DCC: variants seen among roughly 807,000 people sequenced by gnomAD.
DCC encodes DCC netrin 1 receptor, also known as netrin receptor DCC.
DCC carries 58 observed loss-of-function variants against 172.5 expected under a neutral mutation model. The observed-to-expected ratio is 0.34, with a 90% confidence interval of 0.27 to 0.42. The LOEUF is 0.42. Among genes scored for constraint, DCC ranks in the 10% least tolerant of loss-of-function variants. DCC has a pLI of 1.00. For missense variants in DCC, 1,740 were observed against 1,791.0 expected (o/e 0.97, Z 0.51); for synonymous variants, 709 against 644.5 (o/e 1.10, Z -1.52).
At chr18:52,506,468 A>G (rs2031234518) in intron 1 of DCC, among the ~76,000 whole-genome samples, 1 of 152,116 alleles carries the variant, frequency 6.6e-6, no homozygotes, top group Non-Finnish European at 1.5e-5. Flanking sequence ...ATGCATATCC[A>G]TATAAATGGT....
chr18:52,857,004 T>C (rs1228381757), intron 2 of DCC, among the ~76,000 whole-genome samples: 4 of 152,254 alleles, frequency 2.6e-5, no homozygotes, highest in African/African-American at 9.6e-5. Context: ...TTAAATTCTA[T>C]ATGTATAAGC....
At chr18:52,576,141 GA>G in intron 1 of DCC, among the ~76,000 whole-genome samples, 1 of 152,284 alleles carries the variant, frequency 6.6e-6, no homozygotes, top group Non-Finnish European at 1.5e-5. Context: ...AAATTTTGAG[GA>G]AAAGAGAAAA....
intron 1 of DCC, among the ~76,000 whole-genome samples, chr18:52,617,692 C>T (rs910061163): frequency 1.5e-4 from 23 of 151,950 alleles, no homozygotes; most frequent in African/African-American, 3.6e-4. Context: ...GCTTTCTTAC[C>T]GTTCTCTTAC....
At chr18:52,703,612 T>G (rs761709333) in intron 1 of DCC, among the ~76,000 whole-genome samples, 1 of 151,986 alleles carries the variant, frequency 6.6e-6, no homozygotes, top group Non-Finnish European at 1.5e-5. Flanking sequence ...TTGACGGAAA[T>G]GGGTCTGTAA....
At chr18:53,305,376 A>T (rs1247332221) in intron 12 of DCC, among the ~76,000 whole-genome samples, 1 of 152,228 alleles carries the variant, frequency 6.6e-6, no homozygotes, top group African/African-American at 2.4e-5. Context: ...AATCAATCAA[A>T]GGAAATGTGT....
chr18:53,102,060 CG>C (rs1178447583), intron 7 of DCC, among the ~76,000 whole-genome samples: 3 of 152,032 alleles, frequency 2.0e-5, no homozygotes, highest in Non-Finnish European at 4.4e-5. Flanking sequence ...AGTCTTGACT[CG>C]GATGCATTTT....
chr18:53,371,395 A>G (rs1187665186), intron 15 of DCC, among the ~76,000 whole-genome samples: 2 of 152,006 alleles, frequency 1.3e-5, no homozygotes, highest in African/African-American at 2.4e-5. Context: ...AGTGTCAGAA[A>G]AATATTATCA....
chr18:52,701,966 T>C (rs2036131585), intron 1 of DCC, among the ~76,000 whole-genome samples: 1 of 152,186 alleles, frequency 6.6e-6, no homozygotes, highest in Non-Finnish European at 1.5e-5. Flanking sequence ...ACAACCTTGA[T>C]GTTACCATAC....
At chr18:53,308,382 C>T (rs762066115) in intron 13 of DCC, among the ~76,000 whole-genome samples, 1 of 151,596 alleles carries the variant, frequency 6.6e-6, no homozygotes. Flanking sequence ...AATTGTTGAC[C>T]GTGAATATTG....
intron 1 of DCC, among the ~76,000 whole-genome samples, chr18:52,443,551 G>T (rs1010428793): frequency 6.6e-6 from 1 of 152,136 alleles, no homozygotes; most frequent in Non-Finnish European, 1.5e-5. Flanking sequence ...TTCCCAGACA[G>T]GTGAGAAAGG....
chr18:53,330,400 C>G (rs951090576), intron 14 of DCC, among the ~76,000 whole-genome samples: 1 of 152,166 alleles, frequency 6.6e-6, no homozygotes, highest in Non-Finnish European at 1.5e-5. Context: ...TTTCTACCTT[C>G]AGAATGGATT....
chr18:52,692,643 G>A (rs1454528832), intron 1 of DCC, among the ~76,000 whole-genome samples: 1 of 151,994 alleles, frequency 6.6e-6, no homozygotes, highest in Non-Finnish European at 1.5e-5. Context: ...TATTGACCAC[G>A]CTGGTCTTGA....
chr18:53,241,202 G>T (rs139145169), intron 12 of DCC, among the ~76,000 whole-genome samples: 2 of 152,062 alleles, frequency 1.3e-5, no homozygotes, highest in Admixed American at 6.6e-5. Context: ...AAGGTGGCTT[G>T]GTATCTTAAA....
chr18:52,682,794 T>C (rs2035771054), intron 1 of DCC, among the ~76,000 whole-genome samples: 1 of 152,026 alleles, frequency 6.6e-6, no homozygotes, highest in South Asian at 2.1e-4. Flanking sequence ...GAGTAGTTGG[T>C]AGGATAAGGT....
chr18:52,965,956 G>T (rs2040922837), intron 5 of DCC, among the ~76,000 whole-genome samples: 1 of 152,112 alleles, frequency 6.6e-6, no homozygotes, highest in Non-Finnish European at 1.5e-5. Context: ...CATTTTCTCA[G>T]TACATTCAAT....
At chr18:52,934,690 G>C (rs1021419464) in intron 5 of DCC, 2 of 152,060 alleles carry the variant, frequency 1.3e-5, no homozygotes, top group African/African-American at 2.4e-5. Context: ...TTGGAGAAAG[G>C]CCTTTCTTTA....
chr18:53,234,764 A>G (rs1466001462), intron 12 of DCC, among the ~76,000 whole-genome samples: 1 of 152,222 alleles, frequency 6.6e-6, no homozygotes, highest in African/African-American at 2.4e-5. Context: ...AACACTGAGG[A>G]ACACACATGT....
chr18:53,169,518 A>G (rs2054979277), intron 8 of DCC, among the ~76,000 whole-genome samples: 1 of 152,136 alleles, frequency 6.6e-6, no homozygotes, highest in East Asian at 1.9e-4. Flanking sequence ...ACTTATCCTG[A>G]ATTTGGCTTA....
At position 52,549,810 on chromosome 18, in the gene DCC, G is replaced by T. The variant is rs142088356; in HGVS notation, c.92-202244G>T. ...ATTTTATACTTTTTTTCTTTTCCAG[G>T]CACTGCTTTTTTTTTTCCTTTACAG... On this transcript the variant is annotated intron_variant, in intron 1 of 28. Transcript: ENST00000442544. Among the ~76,000 whole-genome samples the T allele has an allele frequency of 9.6e-4, 145 of 151,338 alleles. 2 individuals carry two copies. In the East Asian group the frequency reaches 0.026, roughly 28 times the overall value.
Sources: allele counts gnomAD v4.1 joint callset (sites outside exome capture counted in the v4.1 genomes callset), GRCh38; gene constraint gnomAD v4.1.1; transcripts MANE v1.5; gene names NCBI Gene and HGNC (gene_info 2026-07-23, HGNC 2026-07-21).